Variants in GRID2 observed in about 807,000 individuals in gnomAD.
The protein encoded by GRID2 is glutamate receptor ionotropic, delta-2.
Under a neutral mutation model 114.8 loss-of-function variants are expected in GRID2, and 33 were observed. That is an observed-to-expected ratio of 0.29 (90% confidence interval 0.22 to 0.38). The LOEUF is 0.38. Among genes scored for constraint, GRID2 ranks in the 10% least tolerant of loss-of-function variants. The probability of loss-of-function intolerance (pLI) is 1.00; values close to 1 mark genes in which losing one functional copy is unlikely to be tolerated. For synonymous variants in GRID2, 505 were observed against 449.9 expected (o/e 1.12, Z -1.55); for missense variants, 1,184 against 1,257.7 (o/e 0.94, Z 0.89).
chr4:93,010,562 C>T (rs1722028517), intron 2 of GRID2, among the ~76,000 whole-genome samples: 1 of 152,116 alleles, frequency 6.6e-6, no homozygotes, highest in Non-Finnish European at 1.5e-5. Flanking sequence ...CAGAAAGGTA[C>T]CTTAGCACAT....
intron 2 of GRID2, among the ~76,000 whole-genome samples, chr4:92,923,897 G>A (rs1376959349): frequency 1.3e-5 from 2 of 152,114 alleles, no homozygotes; most frequent in African/African-American, 4.8e-5. Context: ...TCTGATTACT[G>A]GGTATATACC....
At chr4:92,319,828 G>A (rs531960237) in intron 1 of GRID2, among the ~76,000 whole-genome samples, 2 of 152,216 alleles carry the variant, frequency 1.3e-5, no homozygotes, top group African/African-American at 4.8e-5. Flanking sequence ...TCAAATCTTA[G>A]TTTTTCAGTT....
chr4:92,488,275 C>A (rs1053505663), intron 1 of GRID2, among the ~76,000 whole-genome samples: 1 of 152,088 alleles, frequency 6.6e-6, no homozygotes, highest in Non-Finnish European at 1.5e-5. Context: ...GCTGAATAAT[C>A]TACAAAATTA....
intron 2 of GRID2, among the ~76,000 whole-genome samples, chr4:92,610,123 G>C (rs1444266987): frequency 6.6e-6 from 1 of 151,622 alleles, no homozygotes; most frequent in African/African-American, 2.4e-5. Context: ...AATGTGAACA[G>C]AGGTGTGGAC....
chr4:92,769,205 C>T (rs2149350681), intron 2 of GRID2, among the ~76,000 whole-genome samples: 1 of 152,274 alleles, frequency 6.6e-6, no homozygotes, highest in African/African-American at 2.4e-5. Context: ...GTCCGAAACC[C>T]AGTGGGGCAA....
chr4:92,557,509 G>A (rs1035688876), intron 1 of GRID2, among the ~76,000 whole-genome samples: 1 of 150,768 alleles, frequency 6.6e-6, no homozygotes, highest in Non-Finnish European at 1.5e-5. Context: ...TTCTAAAATG[G>A]AAATAAATTG....
chr4:93,119,933 G>A (rs535192415), intron 4 of GRID2, among the ~76,000 whole-genome samples: 5 of 152,246 alleles, frequency 3.3e-5, no homozygotes, highest in Non-Finnish European at 7.4e-5. Context: ...CAAGTTCCTT[G>A]TAGATTCTGG....
At chr4:93,783,613 T>C (rs1226308202) in intron 1 of GRID2, among the ~76,000 whole-genome samples, 1 of 152,114 alleles carries the variant, frequency 6.6e-6, no homozygotes, top group Non-Finnish European at 1.5e-5. Context: ...ACAAACAGAT[T>C]CAGAGAAATA....
At chr4:93,351,158 G>A (rs1020545760) in intron 8 of GRID2, among the ~76,000 whole-genome samples, 7 of 151,940 alleles carry the variant, frequency 4.6e-5, no homozygotes, top group African/African-American at 1.7e-4. Flanking sequence ...ATTTGGGTGG[G>A]GACACAGCCA....
chr4:93,174,032 G>T (rs191148230), intron 4 of GRID2, among the ~76,000 whole-genome samples: 1 of 152,170 alleles, frequency 6.6e-6, no homozygotes. Context: ...CCCTTCCCTG[G>T]ATTTCGTCTT....
chr4:93,546,214 T>G (rs974708996), intron 13 of GRID2, among the ~76,000 whole-genome samples: 2 of 152,202 alleles, frequency 1.3e-5, no homozygotes, highest in African/African-American at 4.8e-5. Flanking sequence ...AGGAGTGAAC[T>G]AAGACCTGTG....
At chr4:93,354,829 TA>T (rs1235718448) in intron 8 of GRID2, among the ~76,000 whole-genome samples, 19 of 146,094 alleles carry the variant, frequency 1.3e-4, no homozygotes, top group African/African-American at 4.7e-4. Context: ...TATATATATA[TA>T]TAATATATAT....
intron 13 of GRID2, among the ~76,000 whole-genome samples, chr4:93,604,264 G>A (rs1017460115): frequency 6.6e-6 from 1 of 152,174 alleles, no homozygotes; most frequent in African/African-American, 2.4e-5. Flanking sequence ...ACTTTCACAG[G>A]CTTAACACTT....
chr4:92,959,000 G>T (rs952370135), intron 2 of GRID2, among the ~76,000 whole-genome samples: 1 of 148,744 alleles, frequency 6.7e-6, no homozygotes, highest in South Asian at 2.1e-4. Flanking sequence ...ATGTCCATTA[G>T]ATCTGTAGTG....
At chr4:92,646,940 G>C (rs1560508848) in intron 2 of GRID2, among the ~76,000 whole-genome samples, 1 of 150,216 alleles carries the variant, frequency 6.7e-6, no homozygotes, top group African/African-American at 2.5e-5. Flanking sequence ...TCCTATATCA[G>C]GTGTTGTACT....
intron 2 of GRID2, among the ~76,000 whole-genome samples, chr4:92,941,000 G>A (rs1164326933): frequency 1.3e-5 from 2 of 152,170 alleles, no homozygotes; most frequent in Non-Finnish European, 2.9e-5. Flanking sequence ...TTGCATTGAT[G>A]TTCATGAGGG....
intron 1 of GRID2, among the ~76,000 whole-genome samples, chr4:92,541,588 T>TTATCAA (rs1296699952): frequency 5.3e-5 from 8 of 152,118 alleles, no homozygotes; most frequent in African/African-American, 1.7e-4. Context: ...AAATGAGGAT[T>TTATCAA]AATACATGGG....
At chr4:92,855,987 T>G (rs1744153810) in intron 2 of GRID2, among the ~76,000 whole-genome samples, 1 of 152,054 alleles carries the variant, frequency 6.6e-6, no homozygotes. Flanking sequence ...ATATTTACAA[T>G]TACTAGGAAA....
chr4:93,213,319 G>T (rs1333755299), intron 5 of GRID2, among the ~76,000 whole-genome samples: 1 of 151,880 alleles, frequency 6.6e-6, no homozygotes, highest in Admixed American at 6.6e-5. Flanking sequence ...GGTCATCTTT[G>T]CTAAAATATG....
Sources: allele counts gnomAD v4.1 joint callset (sites outside exome capture counted in the v4.1 genomes callset), GRCh38; gene constraint gnomAD v4.1.1; transcripts MANE v1.5; gene names NCBI Gene and HGNC (gene_info 2026-07-23, HGNC 2026-07-21).